Variants in TBCK observed in about 807,000 individuals in gnomAD.
TBCK encodes the protein TBC domain-containing protein kinase-like protein.
TBCK carries 99 observed loss-of-function variants against 113.4 expected under a neutral mutation model. That is an observed-to-expected ratio of 0.87 (90% CI 0.74 to 1.03). The LOEUF (loss-of-function observed/expected upper bound fraction) is 1.03. TBCK is among the 50% of genes least tolerant of loss of function. The pLI is 0.00. For missense variants in TBCK, 1,045 were observed against 1,061.3 expected, an observed-to-expected ratio of 0.98 and a Z score of 0.21; for synonymous variants, 369 against 370.8, an observed-to-expected ratio of 1.00 and a Z score of 0.05.
At chr4:106,132,083 C>G (rs147794586) in intron 23 of TBCK, among the ~76,000 whole-genome samples, 1 of 152,244 alleles carries the variant, frequency 6.6e-6, no homozygotes, top group East Asian at 1.9e-4. Flanking sequence ...AAAGAAAAAC[C>G]AATTTTCTGG....
chr4:106,061,857 G>A (rs1736096955), intron 25 of TBCK, among the ~76,000 whole-genome samples: 1 of 151,782 alleles, frequency 6.6e-6, no homozygotes, highest in African/African-American at 2.4e-5. Flanking sequence ...TGGAATGTGA[G>A]ATACGGCTTT....
intron 23 of TBCK, among the ~76,000 whole-genome samples, chr4:106,121,779 A>G (rs1262573642): frequency 3.3e-5 from 5 of 152,172 alleles, no homozygotes; most frequent in Non-Finnish European, 5.9e-5. Flanking sequence ...TGACTACTGG[A>G]TACATGACGA....
intron 24 of TBCK, among the ~76,000 whole-genome samples, chr4:106,096,527 A>G (rs1236972504): frequency 6.6e-6 from 1 of 152,118 alleles, no homozygotes; most frequent in Admixed American, 6.5e-5. Context: ...AAGCAATACA[A>G]ATCTATCCTG....
intron 22 of TBCK, chr4:106,182,280 G>A (rs1187340098): frequency 6.6e-6 from 1 of 152,142 alleles, no homozygotes; most frequent in Non-Finnish European, 1.5e-5. Flanking sequence ...TGAGATGATG[G>A]GGTTTTCTAA....
chr4:106,276,552 CAATAAT>C (rs994061978), intron 3 of TBCK, among the ~76,000 whole-genome samples: 2 of 151,930 alleles, frequency 1.3e-5, no homozygotes, highest in African/African-American at 4.8e-5. Context: ...TCTCTAAATA[CAATAAT>C]AATAATAACT....
chr4:106,145,426 G>GT (rs1747664705), intron 23 of TBCK, among the ~76,000 whole-genome samples: 1 of 152,176 alleles, frequency 6.6e-6, no homozygotes, highest in South Asian at 2.1e-4. Flanking sequence ...TAACAACTGT[G>GT]TTTATACTCA....
chr4:106,238,025 A>C (rs1579352530), intron 12 of TBCK, among the ~76,000 whole-genome samples: 1 of 152,094 alleles, frequency 6.6e-6, no homozygotes, highest in Non-Finnish European at 1.5e-5. Context: ...ATATTTCTTA[A>C]TAACTACAGA....
At chr4:106,176,766 C>T (rs1245394665) in intron 22 of TBCK, among the ~76,000 whole-genome samples, 19 of 151,908 alleles carry the variant, frequency 1.3e-4, no homozygotes, top group Admixed American at 1.2e-3. Flanking sequence ...TACTGTTTTT[C>T]ATAGTAGCTA....
At chr4:106,070,831 G>A (rs926618420) in intron 25 of TBCK, among the ~76,000 whole-genome samples, 2 of 152,050 alleles carry the variant, frequency 1.3e-5, no homozygotes, top group African/African-American at 2.4e-5. Flanking sequence ...GCCTGTTATT[G>A]GTCTGTTCAG....
At chr4:106,202,951 G>A (rs1402157749) in intron 20 of TBCK, among the ~76,000 whole-genome samples, 1 of 152,020 alleles carries the variant, frequency 6.6e-6, no homozygotes, top group African/African-American at 2.4e-5. Context: ...AATGCTATAA[G>A]TGTATGTGTT....
intron 23 of TBCK, among the ~76,000 whole-genome samples, chr4:106,123,212 A>C (rs1744680200): frequency 6.6e-6 from 1 of 152,188 alleles, no homozygotes; most frequent in African/African-American, 2.4e-5. Flanking sequence ...AAAAATCACA[A>C]GCATTCTTAT....
intron 25 of TBCK, among the ~76,000 whole-genome samples, chr4:106,088,866 C>A (rs545230470): frequency 6.6e-6 from 1 of 152,006 alleles, no homozygotes; most frequent in Non-Finnish European, 1.5e-5. Flanking sequence ...CTCACAAATG[C>A]GAGTTGAACA....
At chr4:106,049,679 C>T (rs544554758) in intron 25 of TBCK, among the ~76,000 whole-genome samples, 1 of 152,058 alleles carries the variant, frequency 6.6e-6, no homozygotes, top group South Asian at 2.1e-4. Flanking sequence ...GTATACTCCA[C>T]AGAGTGCAGA....
At chr4:106,267,224 T>C (rs1247516691) in intron 3 of TBCK, among the ~76,000 whole-genome samples, 1 of 151,974 alleles carries the variant, frequency 6.6e-6, no homozygotes, top group Non-Finnish European at 1.5e-5. Flanking sequence ...CCTGAACAAC[T>C]GAACATAAGA....
chr4:106,125,622 C>A (rs894107100), intron 23 of TBCK, among the ~76,000 whole-genome samples: 1 of 152,072 alleles, frequency 6.6e-6, no homozygotes, highest in Non-Finnish European at 1.5e-5. Flanking sequence ...GCAAATATTG[C>A]ATGTTCTGAC....
At chr4:106,071,519 T>C (rs373311576) in intron 25 of TBCK, among the ~76,000 whole-genome samples, 2 of 152,220 alleles carry the variant, frequency 1.3e-5, no homozygotes, top group East Asian at 1.9e-4. Flanking sequence ...TACTCCCAAC[T>C]ATGTGGTCAA....
intron 9 of TBCK, 124 bp from the exon 10 acceptor site, chr4:106,247,411 C>T (rs1225337538): frequency 3.4e-5 from 29 of 847,262 alleles, no homozygotes; most frequent in Non-Finnish European, 5.0e-5. Flanking sequence ...AATAATACAG[C>T]TCTCTTTTGC....
In TBCK at chr4:106,304,460, A is replaced by C. The variant is rs149276943; in HGVS notation, c.193+4308T>G. ...ATTGTACAAACATTATAAAGCTTTAAATTGATATTTTTTCCACGTTTAAGT... is the reference window on the plus strand; with the variant it reads ...ATTGTACAAACATTATAAAGCTTTACATTGATATTTTTTCCACGTTTAAGT... On this transcript the variant is annotated intron_variant, in intron 2 of 25. Transcript: ENST00000394708. Among the ~76,000 whole-genome samples, 868 of 152,284 alleles carry C rather than the reference A, an allele frequency of 5.7e-3. 10 individuals are homozygous for C. Among genetic ancestry groups the C allele is most frequent in the African/African-American group, 0.02 (838 of 41,550 alleles).
At chr4:106,123,729 T>C (rs1209238008) in intron 23 of TBCK, among the ~76,000 whole-genome samples, 5 of 151,794 alleles carry the variant, frequency 3.3e-5, no homozygotes, top group Non-Finnish European at 7.4e-5. Flanking sequence ...TTGACAAACC[T>C]GAGAAAAACA....
Sources: allele counts gnomAD v4.1 joint callset (sites outside exome capture counted in the v4.1 genomes callset), GRCh38; gene constraint gnomAD v4.1.1; transcripts MANE v1.5; gene names NCBI Gene and HGNC (gene_info 2026-07-23, HGNC 2026-07-21).